The following EML6 variants were observed in gnomAD, a reference collection of about 807,000 sequenced individuals.
The protein encoded by EML6 is EMAP like 6, also known as echinoderm microtubule-associated protein-like 6.
Under a neutral mutation model 240.1 loss-of-function variants are expected in EML6, and 154 were observed. The ratio of observed to expected loss-of-function variants is 0.64; its 90% CI spans 0.56 to 0.73. The LOEUF (loss-of-function observed/expected upper bound fraction) is 0.73, where lower values mean the gene tolerates loss of function less well. Among genes scored for constraint, EML6 ranks in the 30% least tolerant of loss-of-function variants. The pLI is 0.00. For missense variants in EML6, 2,964 were observed against 2,474.6 expected, an observed-to-expected ratio of 1.20 and a Z score of -4.20; for synonymous variants, 1,148 against 899.0, an observed-to-expected ratio of 1.28 and a Z score of -4.95.
rs1197132920 is a variant in EML6 at position 54,957,863 on chromosome 2, G to C, written c.4560G>C (p.Thr1520=). Residue 1520 remains threonine (T), a synonymous_variant, in exon 33 of 42, where the codon ACG becomes ACC. Coordinates refer to ENST00000356458, the MANE Select transcript of EML6 (RefSeq NM_001039753.4). ...TGGAATTTCGCCCCGACTCAGACAC[G>C]CAGTTTGTATCTGTCGGGGTCAAAC... ...FVVEFRPDSD[T]QFVSVGVKHM... 6.4e-7 allele frequency: 1 copy of C among 1,551,252 alleles called. No individual in the cohort carries two copies. Among genetic ancestry groups the C allele is most frequent in the East Asian group, 2.4e-5 (1 of 40,926 alleles).
chr2:54,725,030 G>C lies in EML6; in HGVS notation c.-32G>C, dbSNP rs574449759. 1.4e-4 allele frequency: 202 copies of C among 1,475,558 alleles called. No homozygotes were observed. The East Asian group carries it at 5.6e-3, about 41-fold the overall frequency. 91.4% of individuals were successfully genotyped at this position (1,475,558 alleles called of 1,614,324 possible). ...TCGGCGAGGACGGCCCCGGCGCGCG[G>C]GGGGGCGGGGGGCGCGCGGGGTCGG... On this transcript the variant is annotated 5_prime_UTR_variant, in exon 2 of 42. Transcript: ENST00000356458. The surrounding 1 kb of genome is among the most constrained non-coding windows in gnomAD (Gnocchi z 4.3).
intron 25 of EML6, among the ~76,000 whole-genome samples, chr2:54,916,280 T>C (rs1373783849): frequency 6.6e-6 from 1 of 152,198 alleles, no homozygotes; most frequent in Non-Finnish European, 1.5e-5. Flanking sequence ...GAGAGCAATT[T>C]TGTTTCCCAG....
chr2:54,908,509 G>T (rs1027862997), intron 24 of EML6, among the ~76,000 whole-genome samples: 21 of 152,254 alleles, frequency 1.4e-4, no homozygotes, highest in African/African-American at 4.8e-4. Flanking sequence ...GAATCCAAGA[G>T]CAGGAAAGAA....
chr2:54,870,984 A>C (rs1413926637), intron 15 of EML6, among the ~76,000 whole-genome samples: 1 of 152,240 alleles, frequency 6.6e-6, no homozygotes, highest in Non-Finnish European at 1.5e-5. Flanking sequence ...GTGTGATAGA[A>C]GCTTGTATCC....
At chr2:54,827,369 G>T (rs1668646694) in intron 5 of EML6, among the ~76,000 whole-genome samples, 197 bp from the exon 6 acceptor site, 1 of 152,052 alleles carries the variant, frequency 6.6e-6, no homozygotes, top group South Asian at 2.1e-4. Context: ...GTTGTTATAG[G>T]CTTTTCTTAT....
chr2:54,863,496 A>G (rs527497290), intron 12 of EML6, among the ~76,000 whole-genome samples: 2 of 152,108 alleles, frequency 1.3e-5, no homozygotes, highest in Non-Finnish European at 2.9e-5. Context: ...GTTCCAGCCT[A>G]GGAGACAGAC....
intron 2 of EML6, among the ~76,000 whole-genome samples, chr2:54,733,630 G>T (rs1272238995): frequency 1.3e-5 from 2 of 152,094 alleles, no homozygotes; most frequent in African/African-American, 4.8e-5. Flanking sequence ...CTTAACTCAA[G>T]GATTCATTTT....
intron 17 of EML6, among the ~76,000 whole-genome samples, chr2:54,886,833 C>T (rs1672171675): frequency 6.6e-6 from 1 of 152,110 alleles, no homozygotes; most frequent in African/African-American, 2.4e-5. Flanking sequence ...CAAATAATTT[C>T]ACCCATGTTC....
chr2:54,792,768 A>G (rs1208281254), intron 2 of EML6, among the ~76,000 whole-genome samples: 1 of 152,224 alleles, frequency 6.6e-6, no homozygotes, highest in African/African-American at 2.4e-5. Flanking sequence ...TAAAATAGAA[A>G]TACGCTATAG....
intron 24 of EML6, among the ~76,000 whole-genome samples, chr2:54,907,911 G>C (rs892030002): frequency 7.4e-5 from 4 of 53,888 alleles, no homozygotes; most frequent in Admixed American, 1.8e-4. Flanking sequence ...TAGATAGATA[G>C]ATAGATAGAT....
Position 54,950,760 on chromosome 2 carries a change from C to T in EML6, c.4194C>T (p.Ile1398=), listed in dbSNP as rs562255406. Residue 1398 remains isoleucine, a synonymous_variant, in exon 30 of 42, where the codon ATC becomes ATT. Coordinates refer to ENST00000356458, the MANE Select transcript of EML6 (RefSeq NM_001039753.4). ...TCTTCCACACAGCAGCGGCTGGCATCGTTCAGAACCTCTCCACAGGTAACC... is the reference window on the plus strand; with the variant it reads ...TCTTCCACACAGCAGCGGCTGGCATTGTTCAGAACCTCTCCACAGGTAACC... ...DIIFHTAAAG[I]VQNLSTGSQS... is the part of the protein sequence containing the mutation. The T allele has an allele frequency of 1.5e-5, 24 of 1,551,458 alleles. No homozygotes were observed. Among genetic ancestry groups the T allele is most frequent in the South Asian group, 1.4e-4 (12 of 84,026 alleles).
chr2:54,959,005 C>A, intron 33 of EML6, 99 bp from the exon 34 acceptor site: 1 of 1,151,494 alleles, frequency 8.7e-7, no homozygotes. Context: ...CCTAGGCTGT[C>A]TGCATCTCTA....
intron 14 of EML6, 170 bp downstream of exon 14, chr2:54,867,054 CTCTA>C: frequency 2.1e-6 from 1 of 479,220 alleles, no homozygotes; most frequent in Non-Finnish European, 3.9e-6. Flanking sequence ...AAGTGTGACT[CTCTA>C]TCCACTTCCC....
chr2:54,818,764 A>G (rs571839332), intron 4 of EML6, among the ~76,000 whole-genome samples: 30 of 152,326 alleles, frequency 2.0e-4, no homozygotes, highest in African/African-American at 6.5e-4. Flanking sequence ...ATGAGTCTGT[A>G]ATCTTAGGAT....
chr2:54,883,402 C>T (rs1671945410), intron 17 of EML6, among the ~76,000 whole-genome samples: 2 of 152,078 alleles, frequency 1.3e-5, no homozygotes, highest in South Asian at 4.1e-4. Flanking sequence ...ATCAAACATT[C>T]ATCAGTCTTC....
At chr2:54,883,403 A>G (rs956289359) in intron 17 of EML6, among the ~76,000 whole-genome samples, 2 of 152,154 alleles carry the variant, frequency 1.3e-5, no homozygotes, top group Non-Finnish European at 2.9e-5. Context: ...TCAAACATTC[A>G]TCAGTCTTCC....
intron 21 of EML6, among the ~76,000 whole-genome samples, chr2:54,896,331 G>A (rs1305195970): frequency 6.6e-6 from 1 of 152,222 alleles, no homozygotes; most frequent in Non-Finnish European, 1.5e-5. Context: ...CCTTTGGAAT[G>A]TGGGCCTCAC....
intron 2 of EML6, among the ~76,000 whole-genome samples, chr2:54,807,242 C>G (rs1189729655): frequency 6.6e-6 from 1 of 152,102 alleles, no homozygotes; most frequent in African/African-American, 2.4e-5. Flanking sequence ...TTGTTCACAT[C>G]ATTGGCAAAT....
intron 13 of EML6, among the ~76,000 whole-genome samples, chr2:54,865,668 C>T (rs1007419500): frequency 6.6e-6 from 1 of 152,140 alleles, no homozygotes. Context: ...AAGTATAATG[C>T]AAATATTCCA....
Sources: allele counts gnomAD v4.1 joint callset (sites outside exome capture counted in the v4.1 genomes callset), GRCh38; gene constraint gnomAD v4.1.1; non-coding constraint Gnocchi (gnomAD v3.1); transcripts MANE v1.5; gene names NCBI Gene and HGNC (gene_info 2026-07-23, HGNC 2026-07-21).